DRC11: variants seen among roughly 807,000 people sequenced by gnomAD.
DRC11 encodes the protein IQ and AAA domain-containing protein 1.
chr2:236,358,194 A>AAT, the DRC11 span, among the ~76,000 whole-genome samples: 2 of 125,398 alleles, frequency 1.6e-5, no homozygotes, highest in Non-Finnish European at 3.1e-5. Context: ...ATGAATATAT[A>AAT]ATATATATAC....
chr2:236,452,942 G>A, the DRC11 span, among the ~76,000 whole-genome samples: 1 of 152,216 alleles, frequency 6.6e-6, no homozygotes, highest in Non-Finnish European at 1.5e-5. This position sits in a 1 kb window ranked among gnomAD's most constrained non-coding sequence, Gnocchi z 4.7. Context: ...TGGGATGCAT[G>A]CTTTATTTTC....
chr2:236,331,356 T>C, the DRC11 span: 1 of 1,603,634 alleles, frequency 6.2e-7, no homozygotes, highest in Non-Finnish European at 8.5e-7. This position sits in a 1 kb window ranked among gnomAD's most constrained non-coding sequence, Gnocchi z 4.8. Context: ...GGTGTTCATT[T>C]ACCTTAAAGC....
the DRC11 span, among the ~76,000 whole-genome samples, chr2:236,418,966 T>A: frequency 7.9e-5 from 12 of 152,308 alleles, no homozygotes; most frequent in African/African-American, 2.9e-4. Context: ...TTATAGAAAA[T>A]GTGGCAATGG....
the DRC11 span, among the ~76,000 whole-genome samples, chr2:236,439,226 A>G: frequency 6.6e-6 from 1 of 152,010 alleles, no homozygotes; most frequent in African/African-American, 2.4e-5. Context: ...ATCAGAGCAG[A>G]ACTGAAGGAA....
the DRC11 span, among the ~76,000 whole-genome samples, chr2:236,482,388 G>A: frequency 6.6e-6 from 1 of 152,054 alleles, no homozygotes; most frequent in Non-Finnish European, 1.5e-5. This position sits in a 1 kb window ranked among gnomAD's most constrained non-coding sequence, Gnocchi z 4.5. Context: ...TCTATTTTTG[G>A]TGAGTATCTT....
the DRC11 span, chr2:236,331,949 T>C: frequency 5.1e-6 from 1 of 196,732 alleles, no homozygotes; most frequent in East Asian, 1.2e-4. The surrounding 1 kb of genome is among the most constrained non-coding windows in gnomAD (Gnocchi z 4.8). Context: ...TAATGGCATC[T>C]CTTCTCATCA....
At chr2:236,401,776 G>A in the DRC11 span, among the ~76,000 whole-genome samples, 7 of 151,378 alleles carry the variant, frequency 4.6e-5, no homozygotes, top group African/African-American at 1.7e-4. The surrounding 1 kb of genome is among the most constrained non-coding windows in gnomAD (Gnocchi z 4.6). Context: ...GAGGGGGGAA[G>A]GGGAGGGACT....
chr2:236,496,022 G>T, the DRC11 span, among the ~76,000 whole-genome samples: 1 of 152,138 alleles, frequency 6.6e-6, no homozygotes, highest in Non-Finnish European at 1.5e-5. This position sits in a 1 kb window ranked among gnomAD's most constrained non-coding sequence, Gnocchi z 6.3. Context: ...ACAGGGGCAT[G>T]ACTTCCTATT....
chr2:236,489,903 C>T, the DRC11 span, among the ~76,000 whole-genome samples: 1 of 152,014 alleles, frequency 6.6e-6, no homozygotes, highest in Non-Finnish European at 1.5e-5. Context: ...GTGGCTTGGG[C>T]AACAGAGTGA....
the DRC11 span, among the ~76,000 whole-genome samples, chr2:236,494,145 C>T: frequency 6.6e-6 from 1 of 152,014 alleles, no homozygotes; most frequent in Non-Finnish European, 1.5e-5. This position sits in a 1 kb window ranked among gnomAD's most constrained non-coding sequence, Gnocchi z 4.2. Flanking sequence ...TCAATTAGGC[C>T]TCAATTAACT....
At chr2:236,319,890 G>A in the DRC11 span, among the ~76,000 whole-genome samples, 5 of 152,190 alleles carry the variant, frequency 3.3e-5, no homozygotes, top group African/African-American at 9.7e-5. This position sits in a 1 kb window ranked among gnomAD's most constrained non-coding sequence, Gnocchi z 6.7. Flanking sequence ...CCTAGGTAGG[G>A]TTTCCTCTTC....
At chr2:236,416,708 CATATATATATATTTAT>C in the DRC11 span, among the ~76,000 whole-genome samples, 258 of 74,530 alleles carry the variant, frequency 3.5e-3, 1 homozygote, top group Middle Eastern at 7.6e-3. Context: ...TATTTATTTA[CATATATATATATTTAT>C]ATATATATAT....
At chr2:236,344,529 C>A in the DRC11 span, 17 of 1,567,760 alleles carry the variant, frequency 1.1e-5, no homozygotes, top group South Asian at 1.5e-4. Flanking sequence ...AAAGAAAAGG[C>A]AAAAGTAAGG....
At chr2:236,502,650 A>C in the DRC11 span, among the ~76,000 whole-genome samples, 3 of 151,826 alleles carry the variant, frequency 2.0e-5, no homozygotes, top group Admixed American at 1.3e-4. Flanking sequence ...CAGCACCAAT[A>C]AAGAACAATA....
At chr2:236,399,324 G>C in the DRC11 span, 82 of 1,006,804 alleles carry the variant, frequency 8.1e-5, no homozygotes, top group Non-Finnish European at 1.2e-4. The surrounding 1 kb of genome is among the most constrained non-coding windows in gnomAD (Gnocchi z 7.0). Flanking sequence ...AGAATGTCTC[G>C]GTTGTGAGTG....
the DRC11 span, among the ~76,000 whole-genome samples, chr2:236,491,802 C>T: frequency 1.3e-5 from 2 of 152,114 alleles, no homozygotes; most frequent in African/African-American, 2.4e-5. Flanking sequence ...GGGCCAGTAG[C>T]TGGGAGCAGG....
chr2:236,498,046 TGTA>T, the DRC11 span, among the ~76,000 whole-genome samples: 1 of 152,088 alleles, frequency 6.6e-6, no homozygotes, highest in African/African-American at 2.4e-5. Flanking sequence ...ATAAATAAAT[TGTA>T]GTATATACAC....
At chr2:236,506,088 C>T in the DRC11 span, among the ~76,000 whole-genome samples, 1 of 152,152 alleles carries the variant, frequency 6.6e-6, no homozygotes, top group African/African-American at 2.4e-5. This position sits in a 1 kb window ranked among gnomAD's most constrained non-coding sequence, Gnocchi z 4.9. Flanking sequence ...TCAGTTCTAC[C>T]CCAACTTGTC....
the DRC11 span, among the ~76,000 whole-genome samples, chr2:236,482,334 G>A: frequency 5.3e-5 from 8 of 151,852 alleles, 1 homozygote; most frequent in African/African-American, 1.7e-4. The surrounding 1 kb of genome is among the most constrained non-coding windows in gnomAD (Gnocchi z 4.5). Flanking sequence ...CAATTTTTTC[G>A]CTATTAAAAA....
Sources: allele counts gnomAD v4.1 joint callset (sites outside exome capture counted in the v4.1 genomes callset), GRCh38; gene constraint gnomAD v4.1.1; non-coding constraint Gnocchi (gnomAD v3.1); transcripts MANE v1.5; gene names NCBI Gene and HGNC (gene_info 2026-07-23, HGNC 2026-07-21).